Variants in NDFIP2 observed in about 807,000 individuals in gnomAD.
The protein encoded by NDFIP2 is Nedd4 family interacting protein 2.
In NDFIP2, 19 loss-of-function variants were observed where a neutral mutation model predicts 36.0. That is an observed-to-expected ratio of 0.53 (90% confidence interval 0.37 to 0.77). The LOEUF is 0.77. NDFIP2 is among the 30% of genes least tolerant of loss of function. The probability of loss-of-function intolerance (pLI) is 0.00; values close to 1 mark genes in which losing one functional copy is unlikely to be tolerated. For missense variants in NDFIP2, 446 were observed against 435.8 expected (o/e 1.02, Z -0.21); for synonymous variants, 181 against 167.7 (o/e 1.08, Z -0.61).
intron 1 of NDFIP2, among the ~76,000 whole-genome samples, chr13:79,518,652 T>G (rs1235925391): frequency 6.6e-6 from 1 of 152,174 alleles, no homozygotes. Flanking sequence ...AGTGTGTTGG[T>G]TGTTATATTA....
At chr13:79,522,984 T>C (rs1390812487) in intron 2 of NDFIP2, among the ~76,000 whole-genome samples, 3 of 152,182 alleles carry the variant, frequency 2.0e-5, no homozygotes, top group Non-Finnish European at 4.4e-5. Flanking sequence ...AACTGCATAC[T>C]TACCCTTCCC....
chr13:79,541,040 A>AT (rs1173363077), intron 4 of NDFIP2, among the ~76,000 whole-genome samples: 2 of 152,192 alleles, frequency 1.3e-5, no homozygotes, highest in Admixed American at 1.3e-4. Context: ...TATTAATAAC[A>AT]TTTTAATAAC....
rs1225310670 is a variant in NDFIP2, at chr13:79,481,184, C to T, written c.-20C>T. On this transcript the variant is annotated 5_prime_UTR_variant, in exon 1 of 8. Coordinates refer to ENST00000218652, the MANE Select transcript of NDFIP2 (RefSeq NM_019080.3). ...TTCCATCTCCTCCCACCCAGCTATA[C>T]CCTCCCACTGGCGGCGCGGATGGCA... The T allele has an allele frequency of 2.0e-6, 3 of 1,495,616 alleles. No individual in the cohort carries two copies. The highest frequency in any genetic ancestry group is 1.8e-6 in the Non-Finnish European group (2 of 1,130,164). 92.6% of individuals were successfully genotyped at this position (1,495,616 alleles called of 1,614,324 possible).
chr13:79,543,967 A>G (rs1428875986), intron 5 of NDFIP2, among the ~76,000 whole-genome samples: 1 of 152,132 alleles, frequency 6.6e-6, no homozygotes, highest in Non-Finnish European at 1.5e-5. Context: ...TGTTCTGAGC[A>G]TTAGTTTCTT....
chr13:79,545,111 A>G (rs1011279604), intron 5 of NDFIP2, among the ~76,000 whole-genome samples: 5 of 152,186 alleles, frequency 3.3e-5, no homozygotes, highest in East Asian at 1.9e-4. Context: ...GATAAGTCCA[A>G]TGTTGATTAT....
At chr13:79,507,277 T>G (rs199939286) in intron 1 of NDFIP2, among the ~76,000 whole-genome samples, 289 of 18,312 alleles carry the variant, frequency 0.016, 15 homozygotes, top group African/African-American at 0.045. Flanking sequence ...GTTTTTTTTT[T>G]TTTTTTTTTT....
At chr13:79,545,924 C>T (rs1037548194) in intron 5 of NDFIP2, among the ~76,000 whole-genome samples, 27 of 152,178 alleles carry the variant, frequency 1.8e-4, no homozygotes, top group Middle Eastern at 3.2e-3. Context: ...TTTGTAGAGA[C>T]AGGGTTTCAC....
chr13:79,510,687 G>C (rs1874051126), intron 1 of NDFIP2, among the ~76,000 whole-genome samples: 1 of 151,986 alleles, frequency 6.6e-6, no homozygotes, highest in Non-Finnish European at 1.5e-5. Context: ...AGGAGGACTT[G>C]GCTATCAAAG....
chr13:79,514,340 A>G (rs1874194226), intron 1 of NDFIP2, among the ~76,000 whole-genome samples: 2 of 152,200 alleles, frequency 1.3e-5, no homozygotes, highest in African/African-American at 4.8e-5. Context: ...TTTTAACGGA[A>G]GCTGAAGCAG....
intron 4 of NDFIP2, among the ~76,000 whole-genome samples, chr13:79,543,181 T>C (rs147239662): frequency 5.5e-4 from 84 of 152,316 alleles, no homozygotes; most frequent in African/African-American, 2.0e-3. Flanking sequence ...CTGGCCTGCT[T>C]TACCTTTTTT....
chr13:79,537,482 T>C (rs898404689), intron 3 of NDFIP2, among the ~76,000 whole-genome samples: 3 of 152,228 alleles, frequency 2.0e-5, no homozygotes, highest in Admixed American at 6.5e-5. Flanking sequence ...TTGTTCTTAC[T>C]GTGCTTTAAT....
intron 1 of NDFIP2, among the ~76,000 whole-genome samples, chr13:79,485,571 C>A (rs2140728481): frequency 6.6e-6 from 1 of 152,268 alleles, no homozygotes; most frequent in East Asian, 1.9e-4. Context: ...CTTTGATCGT[C>A]TCTTGTTTGT....
intron 2 of NDFIP2, among the ~76,000 whole-genome samples, chr13:79,528,941 T>C (rs1246010370): frequency 6.6e-6 from 1 of 152,182 alleles, no homozygotes; most frequent in Non-Finnish European, 1.5e-5. Flanking sequence ...TCTGCTAGAT[T>C]TTGCAGAGAT....
intron 1 of NDFIP2, among the ~76,000 whole-genome samples, chr13:79,485,501 G>A (rs970665079): frequency 1.3e-5 from 2 of 152,218 alleles, no homozygotes; most frequent in South Asian, 2.1e-4. Context: ...GGAAAGAAGT[G>A]TTGCAGGCTC....
chr13:79,532,669 A>C, intron 2 of NDFIP2, among the ~76,000 whole-genome samples: 1 of 152,210 alleles, frequency 6.6e-6, no homozygotes. Flanking sequence ...GTGGAAAAGT[A>C]AAACTTCAAT....
intron 3 of NDFIP2, 29 bp from the exon 4 acceptor site, chr13:79,539,653 T>C (rs1275435200): frequency 6.4e-7 from 1 of 1,557,224 alleles, no homozygotes; most frequent in Non-Finnish European, 8.9e-7. Context: ...TAATTTTTAG[T>C]GAGCTATTCC....
At chr13:79,520,255 G>A (rs191363207) in intron 1 of NDFIP2, among the ~76,000 whole-genome samples, 2 of 152,312 alleles carry the variant, frequency 1.3e-5, no homozygotes, top group African/African-American at 4.8e-5. Context: ...TAAGTAGGAA[G>A]AGATGGTAGT....
At chr13:79,510,319 A>G (rs748774573) in intron 1 of NDFIP2, among the ~76,000 whole-genome samples, 3 of 151,538 alleles carry the variant, frequency 2.0e-5, no homozygotes, top group East Asian at 1.9e-4. Context: ...TCCCTAATCC[A>G]CTGACCGTAG....
chr13:79,527,721 C>T (rs1874855680), intron 2 of NDFIP2, among the ~76,000 whole-genome samples: 1 of 152,100 alleles, frequency 6.6e-6, no homozygotes, highest in Non-Finnish European at 1.5e-5. Context: ...ATTTATTAAT[C>T]TTAATTATTA....
Sources: gnomAD v4.1 joint callset for allele counts (sites outside exome capture counted in the v4.1 genomes callset) on GRCh38, gnomAD v4.1.1 for gene constraint, MANE v1.5 for transcripts, NCBI Gene and HGNC (gene_info 2026-07-23, HGNC 2026-07-21) for gene names.